The following INTS7 variants were observed in gnomAD, a reference collection of about 807,000 sequenced individuals.
The protein encoded by INTS7 is integrator complex subunit 7.
INTS7 carries 46 observed loss-of-function variants against 109.2 expected under a neutral mutation model. The ratio of observed to expected loss-of-function variants is 0.42; its 90% CI spans 0.33 to 0.54. The LOEUF (loss-of-function observed/expected upper bound fraction) is 0.54, where lower values mean the gene tolerates loss of function less well. INTS7 is among the 20% of genes least tolerant of loss of function. The pLI, the probability that INTS7 is intolerant of heterozygous loss-of-function variation, is 0.07. For missense variants in INTS7, 929 were observed against 1,132.4 expected, an observed-to-expected ratio of 0.82 and a Z score of 2.58; for synonymous variants, 412 against 402.9, an observed-to-expected ratio of 1.02 and a Z score of -0.27.
intron 16 of INTS7, among the ~76,000 whole-genome samples, chr1:211,961,317 A>AG (rs1364602590): frequency 6.6e-6 from 1 of 152,276 alleles, no homozygotes; most frequent in South Asian, 2.1e-4. Context: ...AGAAAAAAAA[A>AG]GGCAGCTAGA....
At chr1:212,008,304 T>G (rs1161252498) in intron 5 of INTS7, among the ~76,000 whole-genome samples, 4 of 152,170 alleles carry the variant, frequency 2.6e-5, no homozygotes, top group Non-Finnish European at 5.9e-5. Flanking sequence ...TATTACTTTG[T>G]TCCTTAAGGT....
intron 8 of INTS7, among the ~76,000 whole-genome samples, chr1:211,985,315 GA>G (rs1664847395): frequency 6.6e-6 from 1 of 152,086 alleles, no homozygotes; most frequent in African/African-American, 2.4e-5. Context: ...TGTTAGTGAT[GA>G]TTTAGACATA....
rs377547850 is a variant in INTS7 at position 211,990,346 on chromosome 1, G to A, written c.880-2343C>T. Among the ~76,000 whole-genome samples, 103 of 151,958 alleles carry A rather than the reference G, an allele frequency of 6.8e-4. 2 individuals are homozygous for A. The South Asian group carries it at 0.021, about 30-fold the overall frequency. The stretch of plus-strand genomic sequence containing the variant: ...TATAAGATGTTCCCCCATATTAAGA[G>A]GTAAAAGGTTTAGAACATGCACGTA... On this transcript the variant is annotated intron_variant, in intron 7 of 19. Transcript: ENST00000366994.
intron 16 of INTS7, among the ~76,000 whole-genome samples, chr1:211,960,774 A>G (rs1489725729): frequency 6.6e-6 from 1 of 152,224 alleles, no homozygotes; most frequent in Admixed American, 6.5e-5. Context: ...ACACTTTGGG[A>G]GGCTAAGATG....
At chr1:211,980,667 G>A (rs1049517420) in intron 10 of INTS7, among the ~76,000 whole-genome samples, 1 of 151,978 alleles carries the variant, frequency 6.6e-6, no homozygotes, top group Non-Finnish European at 1.5e-5. Flanking sequence ...TGAACTCCTA[G>A]GCTCATGCAA....
chr1:212,000,644 T>C (rs1665626040), intron 7 of INTS7, among the ~76,000 whole-genome samples: 1 of 152,222 alleles, frequency 6.6e-6, no homozygotes, highest in African/African-American at 2.4e-5. Flanking sequence ...ATGGCAATCC[T>C]CTATTTCCCT....
intron 1 of INTS7, among the ~76,000 whole-genome samples, chr1:212,034,360 A>G (rs1667321521): frequency 6.6e-6 from 1 of 152,154 alleles, no homozygotes; most frequent in Non-Finnish European, 1.5e-5. Context: ...TAAACAGAAA[A>G]AGAGTCCCAA....
chr1:212,002,608 T>TTC (rs1490168326), intron 7 of INTS7, among the ~76,000 whole-genome samples: 1 of 152,190 alleles, frequency 6.6e-6, no homozygotes, highest in Non-Finnish European at 1.5e-5. Context: ...GATAATACCC[T>TTC]TCCTTTAGGG....
chr1:211,975,398 A>G (rs781413467), intron 12 of INTS7, 26 bp from the exon 13 acceptor site: 49 of 1,562,182 alleles, frequency 3.1e-5, no homozygotes, highest in Middle Eastern at 1.7e-4. Context: ...GAAAAGAAAA[A>G]AGAATAGAAG....
intron 1 of INTS7, among the ~76,000 whole-genome samples, chr1:212,022,164 CAAAAT>C: frequency 6.6e-6 from 1 of 152,230 alleles, no homozygotes; most frequent in East Asian, 1.9e-4. Context: ...AAAATTAACT[CAAAAT>C]GAACCACAGA....
chr1:211,961,080 G>T (rs1338329326), intron 16 of INTS7, among the ~76,000 whole-genome samples: 1 of 151,614 alleles, frequency 6.6e-6, no homozygotes, highest in Non-Finnish European at 1.5e-5. Context: ...AGAAATATGG[G>T]ATTATGTAAA....
intron 13 of INTS7, among the ~76,000 whole-genome samples, chr1:211,969,293 AC>A (rs1279894011): frequency 2.0e-5 from 3 of 151,496 alleles, no homozygotes; most frequent in East Asian, 3.9e-4. Context: ...AAAAAAAAAA[AC>A]AAAGAAAAAA....
chr1:211,987,902 G>C lies in INTS7; in HGVS notation c.981C>G (p.Tyr327Ter). The C allele has an allele frequency of 6.3e-7, 1 of 1,586,370 alleles. No homozygotes were observed. The highest frequency in any genetic ancestry group is 8.7e-7 in the Non-Finnish European group (1 of 1,155,222). Residue 327 changes from tyrosine (Y) to a stop codon, truncating the protein, a stop_gained, in exon 8 of 20, where the codon TAC becomes TAG. Coordinates refer to ENST00000366994, the MANE Select transcript of INTS7 (RefSeq NM_015434.4). LOFTEE classifies it high-confidence loss of function. ...TLSGTIAIKH[Y>*]FSIVPGNVSS... ...TTTCCTTACCTGGAACTATACTGAA[G>C]TAATGTTTGATGGCGATGGTCCCTG...
chr1:211,964,759 G>A (rs551251099), intron 16 of INTS7, among the ~76,000 whole-genome samples: 13 of 152,200 alleles, frequency 8.5e-5, no homozygotes, highest in South Asian at 4.2e-4. Context: ...TGGGATAACC[G>A]ATGTCATATG....
intron 1 of INTS7, among the ~76,000 whole-genome samples, chr1:212,022,901 C>A (rs1013159622): frequency 6.6e-6 from 1 of 152,160 alleles, no homozygotes; most frequent in African/African-American, 2.4e-5. Context: ...CCTCTCCCTC[C>A]CTTCCTCCCT....
chr1:211,997,682 C>G (rs568444293), intron 7 of INTS7, among the ~76,000 whole-genome samples: 2 of 151,584 alleles, frequency 1.3e-5, no homozygotes, highest in Non-Finnish European at 2.9e-5. Flanking sequence ...AGTCTGAGAC[C>G]AGCGTGGCCA....
chr1:212,002,574 G>A (rs1021450551), intron 7 of INTS7, among the ~76,000 whole-genome samples: 2 of 152,162 alleles, frequency 1.3e-5, no homozygotes, highest in Admixed American at 6.5e-5. Context: ...TCTCACTTCA[G>A]GGCCTTTTGG....
intron 11 of INTS7, among the ~76,000 whole-genome samples, chr1:211,977,302 T>C (rs1211198622): frequency 2.0e-5 from 3 of 152,238 alleles, no homozygotes; most frequent in Non-Finnish European, 2.9e-5. Context: ...GAGTTTTCAC[T>C]GTATTATTCC....
At position 211,940,762 on chromosome 1, in the gene INTS7, C is replaced by T. The variant is rs2102372035; in HGVS notation, c.*1062G>A. The T allele has an allele frequency of 6.6e-6, 1 of 152,296 alleles. No individual in the cohort carries two copies. Among genetic ancestry groups the T allele is most frequent in the African/African-American group, 2.4e-5 (1 of 41,554 alleles). The allele number at this position is 152,296 out of a possible 1,614,324, so 9.4% of individuals were successfully genotyped here. On this transcript the variant is annotated 3_prime_UTR_variant, in exon 20 of 20. Transcript: ENST00000366994. ...AAACAATCAGTCTAGCATAACTCATCAAGTATAAACCAAACCAATCACCAA... is the reference window on the plus strand; with the variant it reads ...AAACAATCAGTCTAGCATAACTCATTAAGTATAAACCAAACCAATCACCAA...
Sources: gnomAD v4.1 joint callset for allele counts (sites outside exome capture counted in the v4.1 genomes callset) on GRCh38, gnomAD v4.1.1 for gene constraint, MANE v1.5 for transcripts, NCBI Gene and HGNC (gene_info 2026-07-23, HGNC 2026-07-21) for gene names.